UBE2E1: variants seen among roughly 807,000 people sequenced by gnomAD.
UBE2E1 encodes ubiquitin-conjugating enzyme E2 E1.
UBE2E1 carries 6 observed loss-of-function variants against 21.4 expected under a neutral mutation model. The observed-to-expected ratio is 0.28, with a 90% CI of 0.15 to 0.55. The LOEUF (loss-of-function observed/expected upper bound fraction) is 0.55. Ranked by LOEUF, UBE2E1 falls within the 20% of genes least tolerant of loss-of-function variation. The pLI, the probability that UBE2E1 is intolerant of heterozygous loss-of-function variation, is 0.93. For missense variants in UBE2E1, 142 were observed against 236.5 expected, an observed-to-expected ratio of 0.60 and a Z score of 2.62; for synonymous variants, 87 against 82.7, an observed-to-expected ratio of 1.05 and a Z score of -0.28.
intron 3 of UBE2E1, among the ~76,000 whole-genome samples, chr3:23,817,428 AAAAAAAAAAAG>A (rs1327422436): frequency 6.8e-6 from 1 of 147,444 alleles, no homozygotes; most frequent in Non-Finnish European, 1.5e-5. Context: ...TCTCAAAAAA[AAAAAAAAAAAG>A]AAAGAAAAGA....
intron 3 of UBE2E1, among the ~76,000 whole-genome samples, chr3:23,856,125 C>T (rs543497540): frequency 2.6e-5 from 4 of 152,128 alleles, no homozygotes; most frequent in African/African-American, 9.7e-5. Context: ...CTCCTGGGTT[C>T]AAGCAATTCT....
At chr3:23,890,455 AG>A in intron 5 of UBE2E1, 53 bp from the exon 6 acceptor site, 1 of 1,569,226 alleles carries the variant, frequency 6.4e-7, no homozygotes, top group Non-Finnish European at 8.7e-7. Flanking sequence ...TATTCGCTAA[AG>A]TTTAAAATGT....
intron 3 of UBE2E1, among the ~76,000 whole-genome samples, chr3:23,864,752 C>T (rs1378049601): frequency 6.6e-6 from 1 of 152,194 alleles, no homozygotes; most frequent in African/African-American, 2.4e-5. Context: ...GAACCATGTT[C>T]CTCAGTTATC....
chr3:23,843,542 T>C (rs963562420), intron 3 of UBE2E1, among the ~76,000 whole-genome samples: 1 of 152,226 alleles, frequency 6.6e-6, no homozygotes, highest in Non-Finnish European at 1.5e-5. Flanking sequence ...ATAATCAACT[T>C]TCAATAAATG....
chr3:23,811,160 A>C (rs112759586), intron 2 of UBE2E1: 13 of 447,188 alleles, frequency 2.9e-5, no homozygotes, highest in African/African-American at 1.7e-4. Flanking sequence ...GGCAAGTGAG[A>C]AACTTTAAAA....
In UBE2E1 at chr3:23,806,338, G is replaced by C. The variant is rs1699266515; in HGVS notation, c.-34+250G>C. On this transcript the variant is annotated intron_variant, in intron 1 of 5. Transcript: ENST00000306627. The surrounding 1 kb of genome is among the most constrained non-coding windows in gnomAD (Gnocchi z 6.5). ...CGCATTGAGGACGGGGGTCATTGTGGCTCGAACTGTCAGCGCTGCCCCAAG... is the reference window on the plus strand; with the variant it reads ...CGCATTGAGGACGGGGGTCATTGTGCCTCGAACTGTCAGCGCTGCCCCAAG... Among the ~76,000 whole-genome samples, 1 of 151,306 alleles carries C rather than the reference G, an allele frequency of 6.6e-6. No homozygotes were observed. Among genetic ancestry groups the C allele is most frequent in the East Asian group, 2.0e-4 (1 of 5,080 alleles).
chr3:23,885,880 CAAAA>C (rs1282645118), intron 3 of UBE2E1, among the ~76,000 whole-genome samples: 1 of 150,668 alleles, frequency 6.6e-6, no homozygotes, highest in African/African-American at 2.5e-5. Context: ...ACAAAAAAAA[CAAAA>C]CAAACAAAAA....
chr3:23,811,558 T>A (rs1448794222), intron 3 of UBE2E1, 48 bp downstream of exon 3: 32 of 1,560,848 alleles, frequency 2.1e-5, no homozygotes, highest in Non-Finnish European at 2.7e-5. Flanking sequence ...CTTCTAACCT[T>A]TGTCTTGGGT....
chr3:23,870,090 G>T lies in UBE2E1; in HGVS notation c.204-17477G>T, dbSNP rs961621719. 1.3e-5 allele frequency among the ~76,000 whole-genome samples: 2 copies of T among 152,124 alleles called. No individual in the cohort carries two copies. The highest frequency in any genetic ancestry group is 2.4e-5 in the African/African-American group (1 of 41,406). Reference sequence around the variant, plus strand: ...TTTACATGTCTGGTTTTCCACCTGGGCTGGGAAGGCCCACAGCTGAGGGCT... The same window carrying T: ...TTTACATGTCTGGTTTTCCACCTGGTCTGGGAAGGCCCACAGCTGAGGGCT... On this transcript the variant is annotated intron_variant, in intron 3 of 5. Coordinates refer to ENST00000306627, the MANE Select transcript of UBE2E1 (RefSeq NM_003341.5). The surrounding 1 kb of genome is among the most constrained non-coding windows in gnomAD (Gnocchi z 4.2).
chr3:23,807,447 A>G, intron 2 of UBE2E1, 26 bp downstream of exon 2: 3 of 1,595,654 alleles, frequency 1.9e-6, no homozygotes, highest in Non-Finnish European at 2.6e-6. Flanking sequence ...TTTTTTCCAC[A>G]GGCTTCCTAT....
intron 3 of UBE2E1, among the ~76,000 whole-genome samples, chr3:23,812,298 A>AAT (rs1284676780): frequency 6.6e-6 from 1 of 152,200 alleles, no homozygotes; most frequent in Non-Finnish European, 1.5e-5. Flanking sequence ...CCATACTTTA[A>AAT]AAATTAAGTA....
At chr3:23,866,409 A>C (rs1048177412) in intron 3 of UBE2E1, 1 of 152,252 alleles carries the variant, frequency 6.6e-6, no homozygotes, top group Non-Finnish European at 1.5e-5. Context: ...GCCACTGTGA[A>C]CTAGAATGGA....
intron 3 of UBE2E1, among the ~76,000 whole-genome samples, chr3:23,827,924 G>A (rs1240076212): frequency 2.6e-5 from 4 of 151,910 alleles, no homozygotes; most frequent in Admixed American, 2.6e-4. Flanking sequence ...TCCTCTCTCT[G>A]TAACTTGCTG....
rs573016576 is a variant in UBE2E1 at position 23,849,972 on chromosome 3, A to G, written c.204-37595A>G. On this transcript the variant is annotated intron_variant, in intron 3 of 5. Coordinates refer to ENST00000306627, the MANE Select transcript of UBE2E1 (RefSeq NM_003341.5). ...GGTGTGTCTTTGATTTTCATTTTTA[A>G]AAAATGACATTCAGAATTGTATTTT... Among the ~76,000 whole-genome samples, 35 of 152,298 alleles carry G rather than the reference A, an allele frequency of 2.3e-4. No individual in the cohort carries two copies. The South Asian group carries it at 7.3e-3, about 32-fold the overall frequency.
At chr3:23,807,170 C>G in intron 1 of UBE2E1, 67 bp from the exon 2 acceptor site, 1 of 1,383,130 alleles carries the variant, frequency 7.2e-7, no homozygotes, top group South Asian at 1.5e-5. Context: ...CCTGACAGCA[C>G]CCGAGTTCCT....
chr3:23,890,278 A>T (rs893655201), intron 5 of UBE2E1, among the ~76,000 whole-genome samples: 1 of 152,176 alleles, frequency 6.6e-6, no homozygotes, highest in Non-Finnish European at 1.5e-5. Context: ...AATGGAATGA[A>T]CTAAGATAAA....
Position 23,867,958 on chromosome 3 carries a change from T to C in UBE2E1, c.204-19609T>C, listed in dbSNP as rs9831219. 7.6e-3 allele frequency among the ~76,000 whole-genome samples: 1,160 copies of C among 152,346 alleles called. 14 individuals carry two copies. The highest frequency in any genetic ancestry group is 0.026 in the African/African-American group (1,086 of 41,580). ...CCCTTGTAGTCACTGATGATTTTCA[T>C]TGGGCTATAGATGGGAATGGCAGCA... On this transcript the variant is annotated intron_variant, in intron 3 of 5. Transcript: ENST00000306627.
In UBE2E1 at chr3:23,823,106, A is replaced by G. The variant is rs1229325273; in HGVS notation, c.203+11596A>G. On this transcript the variant is annotated intron_variant, in intron 3 of 5. Coordinates refer to ENST00000306627, the MANE Select transcript of UBE2E1 (RefSeq NM_003341.5). The surrounding 1 kb of genome is among the most constrained non-coding windows in gnomAD (Gnocchi z 4.2). Reference sequence around the variant, plus strand: ...GTGATCCACCTGCCTTGGCCTCCCAAAGTGCTGGGATTACAGGCATGAGCC... The same window carrying G: ...GTGATCCACCTGCCTTGGCCTCCCAGAGTGCTGGGATTACAGGCATGAGCC... 6.6e-6 allele frequency among the ~76,000 whole-genome samples: 1 copy of G among 152,222 alleles called. No individual in the cohort carries two copies. The highest frequency in any genetic ancestry group is 1.9e-4 in the East Asian group (1 of 5,182).
rs9687706 is a variant in UBE2E1 at position 23,871,861 on chromosome 3, G to A, written c.204-15706G>A. 7.6e-3 allele frequency among the ~76,000 whole-genome samples: 1,143 copies of A among 151,280 alleles called. 13 individuals carry two copies. Among genetic ancestry groups the A allele is most frequent in the African/African-American group, 0.026 (1,068 of 41,186 alleles). On this transcript the variant is annotated intron_variant, in intron 3 of 5. Transcript: ENST00000306627. ...CTCACTTCCTAGATGGGATGGCGGC[G>A]GGGCAGAGACGCTCCTCACTTTCCA... is the stretch of plus-strand genomic sequence containing the variant.
Sources: gnomAD v4.1 joint callset for allele counts (sites outside exome capture counted in the v4.1 genomes callset) on GRCh38, gnomAD v4.1.1 for gene constraint, Gnocchi (gnomAD v3.1) non-coding constraint, MANE v1.5 for transcripts, NCBI Gene and HGNC (gene_info 2026-07-23, HGNC 2026-07-21) for gene names.